Variants in HIRA observed in about 807,000 individuals in gnomAD.
HIRA encodes protein HIRA.
HIRA carries 13 observed loss-of-function variants against 126.6 expected under a neutral mutation model. The ratio of observed to expected loss-of-function variants is 0.10; its 90% CI spans 0.07 to 0.16. The LOEUF (loss-of-function observed/expected upper bound fraction) is 0.16, where lower values mean the gene tolerates loss of function less well. Ranked by LOEUF, HIRA falls within the 10% of genes least tolerant of loss-of-function variation. HIRA has a pLI of 1.00. For synonymous variants in HIRA, 511 were observed against 520.0 expected (o/e 0.98, Z 0.24); for missense variants, 834 against 1,314.4 (o/e 0.63, Z 5.65).
chr22:19,358,160 T>C (rs1315089557), intron 18 of HIRA, among the ~76,000 whole-genome samples: 11 of 152,168 alleles, frequency 7.2e-5, no homozygotes, highest in Admixed American at 7.2e-4. Context: ...CTACCACGCC[T>C]GGCTAATTTT....
intron 24 of HIRA, among the ~76,000 whole-genome samples, chr22:19,341,153 A>G (rs562646667): frequency 6.6e-6 from 1 of 152,186 alleles, no homozygotes; most frequent in East Asian, 1.9e-4. Flanking sequence ...CTGTCTCTAC[A>G]AAATATACAA....
At chr22:19,401,523 A>G (rs2089268774) in intron 5 of HIRA, among the ~76,000 whole-genome samples, 1 of 152,224 alleles carries the variant, frequency 6.6e-6, no homozygotes, top group African/African-American at 2.4e-5. Flanking sequence ...TCTACACAGT[A>G]TGTCCATTTA....
intron 19 of HIRA, 129 bp downstream of exon 19, chr22:19,356,761 T>C (rs2088816098): frequency 1.1e-6 from 1 of 885,774 alleles, no homozygotes; most frequent in Non-Finnish European, 1.7e-6. Flanking sequence ...CACTAACTGC[T>C]CAGGGCCTCT....
At chr22:19,342,964 G>A (rs1556007980) in intron 24 of HIRA, among the ~76,000 whole-genome samples, 1 of 152,158 alleles carries the variant, frequency 6.6e-6, no homozygotes, top group Non-Finnish European at 1.5e-5. Flanking sequence ...GATGGAGTTG[G>A]AGACCATTAT....
chr22:19,332,256 A>G (rs1235051191), intron 24 of HIRA, among the ~76,000 whole-genome samples: 1 of 152,226 alleles, frequency 6.6e-6, no homozygotes, highest in African/African-American at 2.4e-5. Flanking sequence ...ATCTTGAATT[A>G]ACGGTGACAG....
At chr22:19,357,391 T>G (rs781822827) in intron 18 of HIRA, among the ~76,000 whole-genome samples, 1 of 152,132 alleles carries the variant, frequency 6.6e-6, no homozygotes, top group Non-Finnish European at 1.5e-5. Flanking sequence ...TAAGGCCACA[T>G]AGTACCCACA....
intron 8 of HIRA, among the ~76,000 whole-genome samples, chr22:19,393,955 G>T (rs1235935110): frequency 6.6e-6 from 1 of 152,210 alleles, no homozygotes. Context: ...GCCGCAGCAA[G>T]ATCTGGCAGC....
rs991143448 is a variant in HIRA, at chr22:19,408,642, G to A, written c.101-49C>T. On this transcript the variant is annotated intron_variant, in intron 2 of 24. Coordinates refer to ENST00000263208, the MANE Select transcript of HIRA (RefSeq NM_003325.4). Reference sequence around the variant, plus strand: ...CTGAATGTGCAAGGAGTAGAAATTTGATATTAATATTTAATGTCAAATTAA... The same window carrying A: ...CTGAATGTGCAAGGAGTAGAAATTTAATATTAATATTTAATGTCAAATTAA... 9 of 1,025,050 alleles carry A rather than the reference G, an allele frequency of 8.8e-6. No homozygotes were observed. In the African/African-American group the frequency reaches 1.4e-4, roughly 16 times the overall value. 63.5% of individuals were successfully genotyped at this position (1,025,050 alleles called of 1,614,324 possible).
At chr22:19,365,533 T>A (rs1449031592) in intron 15 of HIRA, among the ~76,000 whole-genome samples, 1 of 152,206 alleles carries the variant, frequency 6.6e-6, no homozygotes, top group Non-Finnish European at 1.5e-5. Flanking sequence ...TGACAGCACA[T>A]CTGTTTAGAG....
intron 1 of HIRA, among the ~76,000 whole-genome samples, chr22:19,412,085 G>A (rs2146246064): frequency 6.6e-6 from 1 of 152,320 alleles, no homozygotes; most frequent in East Asian, 1.9e-4. Context: ...TTTAACCAAA[G>A]GGAAATGACA....
chr22:19,418,352 C>A (rs976292389), intron 1 of HIRA, among the ~76,000 whole-genome samples: 2 of 151,764 alleles, frequency 1.3e-5, no homozygotes, highest in African/African-American at 4.8e-5. Flanking sequence ...TGGCGGGGTG[C>A]GGTGGCTCAC....
intron 15 of HIRA, among the ~76,000 whole-genome samples, chr22:19,374,128 T>C (rs2283651): frequency 0.04 from 6,069 of 150,450 alleles, 268 homozygotes; most frequent in East Asian, 0.13. Context: ...AGGTCAGGAG[T>C]TTGAGACCAG....
chr22:19,428,959 A>G (rs1437245711), intron 1 of HIRA, among the ~76,000 whole-genome samples: 1 of 152,032 alleles, frequency 6.6e-6, no homozygotes, highest in Non-Finnish European at 1.5e-5. Context: ...ATACTCCTAC[A>G]GTATTTAAAG....
At chr22:19,422,402 C>T (rs1224752272) in intron 1 of HIRA, among the ~76,000 whole-genome samples, 1 of 151,910 alleles carries the variant, frequency 6.6e-6, no homozygotes, top group African/African-American at 2.4e-5. Flanking sequence ...CTCCTGGCTC[C>T]TCCCTCCCTC....
intron 15 of HIRA, chr22:19,365,689 C>T (rs1231880347): frequency 2.6e-5 from 4 of 152,264 alleles, no homozygotes; most frequent in Admixed American, 2.6e-4. Context: ...TACCAACTAA[C>T]ACAACACACA....
At chr22:19,370,625 G>A (rs575454578) in intron 15 of HIRA, among the ~76,000 whole-genome samples, 2 of 152,300 alleles carry the variant, frequency 1.3e-5, no homozygotes, top group East Asian at 3.9e-4. Flanking sequence ...CATCAAGAAA[G>A]TATCTGCATT....
rs782603212 is a variant in HIRA, at chr22:19,356,297, G to C, written c.2397-9C>G. The stretch of plus-strand genomic sequence containing the variant: ...CCTGTCTGTGAACATCCCTAGGAGG[G>C]AGACAGGGAACAGTTTACTCACCAA... On this transcript the variant is annotated splice_polypyrimidine_tract_variant and intron_variant, in intron 19 of 24. Transcript: ENST00000263208. The C allele has an allele frequency of 1.9e-6, 3 of 1,613,138 alleles. No homozygotes were observed. The highest frequency in any genetic ancestry group is 2.2e-5 in the East Asian group (1 of 44,888).
Position 19,361,356 on chromosome 22 carries a change from A to C in HIRA, c.1981-15T>G, listed in dbSNP as rs760621400. The C allele has an allele frequency of 6.1e-5, 98 of 1,608,720 alleles. No homozygotes were observed. Among genetic ancestry groups the C allele is most frequent in the Non-Finnish European group, 7.6e-5 (89 of 1,175,094 alleles). On this transcript the variant is annotated splice_polypyrimidine_tract_variant and intron_variant, in intron 16 of 24. Coordinates refer to ENST00000263208, the MANE Select transcript of HIRA (RefSeq NM_003325.4). ...GCAGCTGGAGACTGGAAGAGCCAGA[A>C]ACGTTCCTGAGCCTTGCTCTAACAC...
At chr22:19,371,819 G>A (rs1196557353) in intron 15 of HIRA, among the ~76,000 whole-genome samples, 2 of 151,972 alleles carry the variant, frequency 1.3e-5, no homozygotes, top group Non-Finnish European at 2.9e-5. Context: ...CCTCTTTATT[G>A]TTGAATAATA....
Sources: gnomAD v4.1 joint callset for allele counts (sites outside exome capture counted in the v4.1 genomes callset) on GRCh38, gnomAD v4.1.1 for gene constraint, MANE v1.5 for transcripts, NCBI Gene and HGNC (gene_info 2026-07-23, HGNC 2026-07-21) for gene names.